Variants in PDGFRL observed in about 807,000 individuals in gnomAD.
PDGFRL encodes platelet-derived growth factor receptor-like protein.
A neutral mutation model predicts 37.2 loss-of-function variants in PDGFRL; 46 were observed. The ratio of observed to expected loss-of-function variants is 1.24; its 90% CI spans 0.98 to 1.58. PDGFRL has a LOEUF of 1.58. Ranked by LOEUF, PDGFRL falls within the 40% of genes most tolerant of loss-of-function variation. The pLI, the probability that PDGFRL is intolerant of heterozygous loss-of-function variation, is 0.00. For synonymous variants in PDGFRL, 251 were observed against 184.3 expected, an observed-to-expected ratio of 1.36 and a Z score of -2.93; for missense variants, 692 against 467.6, an observed-to-expected ratio of 1.48 and a Z score of -4.43.
intron 1 of PDGFRL, among the ~76,000 whole-genome samples, chr8:17,589,209 C>G (rs1465502816): frequency 6.6e-6 from 1 of 151,950 alleles, no homozygotes; most frequent in East Asian, 1.9e-4. Flanking sequence ...GAGACCCTGT[C>G]TCCATGTCTC....
chr8:17,581,250 C>A (rs914348110), intron 1 of PDGFRL, among the ~76,000 whole-genome samples: 3 of 152,098 alleles, frequency 2.0e-5, no homozygotes, highest in Non-Finnish European at 4.4e-5. Flanking sequence ...TAGCTGACAG[C>A]AAAGCTGTGC....
chr8:17,599,769 T>C (rs1244579412), intron 2 of PDGFRL, among the ~76,000 whole-genome samples: 1 of 152,200 alleles, frequency 6.6e-6, no homozygotes, highest in Non-Finnish European at 1.5e-5. Flanking sequence ...TATTAAGAAA[T>C]TGGAGCTCTA....
At chr8:17,620,169 T>C (rs2517215) in intron 2 of PDGFRL, among the ~76,000 whole-genome samples, 53,001 of 151,920 alleles carry the variant, frequency 0.35, 9,342 homozygotes, top group South Asian at 0.43. Flanking sequence ...GCTATGTTGC[T>C]CAGGTTGGTC....
chr8:17,592,716 G>GA (rs778264221), intron 2 of PDGFRL, among the ~76,000 whole-genome samples: 4 of 152,122 alleles, frequency 2.6e-5, no homozygotes, highest in African/African-American at 9.7e-5. Flanking sequence ...ACCCATGGCA[G>GA]GCCCCCCCAG....
At chr8:17,591,237 A>C (rs879396891) in intron 2 of PDGFRL, among the ~76,000 whole-genome samples, 3 of 152,142 alleles carry the variant, frequency 2.0e-5, no homozygotes, top group Admixed American at 2.0e-4. Context: ...AGAGGCCTCA[A>C]CTGGTAAGAA....
intron 5 of PDGFRL, among the ~76,000 whole-genome samples, chr8:17,637,912 A>G (rs1479017640): frequency 8.8e-6 from 1 of 113,402 alleles, no homozygotes; most frequent in Non-Finnish European, 1.8e-5. Flanking sequence ...ATTGGTTGTA[A>G]TATCTTGTTT....
intron 2 of PDGFRL, among the ~76,000 whole-genome samples, chr8:17,612,351 T>A (rs1002332654): frequency 1.3e-5 from 2 of 152,118 alleles, no homozygotes; most frequent in Non-Finnish European, 2.9e-5. Context: ...TCCCTCTTCC[T>A]TCTTCCTTCT....
intron 2 of PDGFRL, among the ~76,000 whole-genome samples, chr8:17,602,494 A>G (rs143816580): frequency 1.7e-4 from 26 of 152,170 alleles, no homozygotes; most frequent in African/African-American, 6.0e-4. Flanking sequence ...ATTTTTTTTT[A>G]AAGCTGTAGA....
chr8:17,581,528 G>A (rs1157134367), intron 1 of PDGFRL, among the ~76,000 whole-genome samples: 1 of 152,178 alleles, frequency 6.6e-6, no homozygotes, highest in Non-Finnish European at 1.5e-5. Context: ...TGGTGGTGGT[G>A]GTGGGAGGTA....
rs982644305 is a variant in PDGFRL at position 17,614,391 on chromosome 8, T to C, written c.354-6660T>C. Among the ~76,000 whole-genome samples, 41 of 152,288 alleles carry C rather than the reference T, an allele frequency of 2.7e-4. 1 individual carries two copies. The highest frequency in any genetic ancestry group is 3.4e-3 in the Middle Eastern group (1 of 294). On this transcript the variant is annotated intron_variant, in intron 2 of 5. Coordinates refer to ENST00000251630, the MANE Select transcript of PDGFRL (RefSeq NM_001372073.1). ...ACGTTTCCTGCATATCATTCAGCCA[T>C]TCTTCTCTGACACGTTCTGAGACGG...
chr8:17,601,944 T>C (rs563195237), intron 2 of PDGFRL, among the ~76,000 whole-genome samples: 2 of 152,346 alleles, frequency 1.3e-5, no homozygotes, highest in African/African-American at 4.8e-5. Context: ...TTCTTGTGCC[T>C]TTGTGGTAGA....
intron 2 of PDGFRL, among the ~76,000 whole-genome samples, chr8:17,595,761 T>C (rs1275175582): frequency 2.6e-5 from 4 of 152,180 alleles, no homozygotes; most frequent in African/African-American, 9.7e-5. Flanking sequence ...GTTATGGGGC[T>C]GTTGAGGAGT....
At chr8:17,634,037 C>G in intron 4 of PDGFRL, 37 bp from the exon 5 acceptor site, 1 of 1,607,500 alleles carries the variant, frequency 6.2e-7, no homozygotes, top group Non-Finnish European at 8.5e-7. Context: ...AGGTTACACT[C>G]GGGGTCTCAC....
chr8:17,614,153 A>G (rs539649286), intron 2 of PDGFRL, among the ~76,000 whole-genome samples: 1 of 152,172 alleles, frequency 6.6e-6, no homozygotes, highest in South Asian at 2.1e-4. Context: ...CGTAATAGAT[A>G]GATTGATAGA....
At chr8:17,637,607 T>G (rs1314420074) in intron 5 of PDGFRL, among the ~76,000 whole-genome samples, 2 of 152,188 alleles carry the variant, frequency 1.3e-5, no homozygotes, top group Non-Finnish European at 2.9e-5. Context: ...GGAGGATTCC[T>G]TCTTTCTCTG....
chr8:17,581,829 CA>C (rs1803714116), intron 1 of PDGFRL, among the ~76,000 whole-genome samples: 1 of 152,122 alleles, frequency 6.6e-6, no homozygotes, highest in South Asian at 2.1e-4. Context: ...TCTTTATAAA[CA>C]ACCCAGCCCT....
Position 17,643,028 on chromosome 8 carries a change from ACATAC to A in PDGFRL, c.*228_*232del. On this transcript the variant is annotated 3_prime_UTR_variant, in exon 6 of 6. Transcript: ENST00000251630. Reference sequence around the variant, plus strand: ...AAAGCATGATTTTGATTGCTTACCTACATACGTGTTCCTAGTTTTTATACATGTGT... The same window carrying A: ...AAAGCATGATTTTGATTGCTTACCTAGTGTTCCTAGTTTTTATACATGTGT... 1 of 459,204 alleles carries A rather than the reference ACATAC, an allele frequency of 2.2e-6. No homozygotes were observed. The allele number at this position is 459,204 out of a possible 1,614,324, so 28.4% of individuals were successfully genotyped here. A position where few individuals can be genotyped will look rare whatever the true frequency, so the allele number is the denominator to read the frequency against.
chr8:17,637,227 A>T (rs1182945719), intron 5 of PDGFRL, among the ~76,000 whole-genome samples: 3 of 151,888 alleles, frequency 2.0e-5, no homozygotes, highest in Middle Eastern at 3.4e-3. Flanking sequence ...TTCAGTATAG[A>T]CAGTTTTCAT....
intron 2 of PDGFRL, among the ~76,000 whole-genome samples, chr8:17,606,075 A>G (rs367616391): frequency 3.3e-5 from 5 of 152,294 alleles, no homozygotes; most frequent in African/African-American, 1.2e-4. Context: ...GAAAAGGAGA[A>G]ATATCTTAAG....
Sources: allele counts gnomAD v4.1 joint callset (sites outside exome capture counted in the v4.1 genomes callset), GRCh38; gene constraint gnomAD v4.1.1; transcripts MANE v1.5; gene names NCBI Gene and HGNC (gene_info 2026-07-23, HGNC 2026-07-21).